SPATA16: variants seen among roughly 807,000 people sequenced by gnomAD.
SPATA16 encodes spermatogenesis-associated protein 16.
In SPATA16, 36 loss-of-function variants were observed where a neutral mutation model predicts 63.3. That is an observed-to-expected ratio of 0.57 (90% CI 0.44 to 0.75). The LOEUF is 0.75. SPATA16 is among the 30% of genes least tolerant of loss of function. The probability of loss-of-function intolerance (pLI) is 0.00; values close to 1 mark genes in which losing one functional copy is unlikely to be tolerated. For synonymous variants in SPATA16, 203 were observed against 216.7 expected (o/e 0.94, Z 0.56); for missense variants, 646 against 679.3 (o/e 0.95, Z 0.54).
At chr3:173,093,444 T>A (rs923079672) in intron 2 of SPATA16, among the ~76,000 whole-genome samples, 1 of 152,136 alleles carries the variant, frequency 6.6e-6, no homozygotes, top group Admixed American at 6.6e-5. Context: ...AACTATAGTC[T>A]TCTGGAAAGG....
intron 1 of SPATA16, among the ~76,000 whole-genome samples, chr3:173,118,535 T>G (rs1737970220): frequency 6.6e-6 from 1 of 152,236 alleles, no homozygotes; most frequent in Non-Finnish European, 1.5e-5. Flanking sequence ...TTTCAAAATA[T>G]CAAGTGTTCT....
At chr3:172,925,290 C>T in intron 7 of SPATA16, 56 bp downstream of exon 7, 12 of 1,603,204 alleles carry the variant, frequency 7.5e-6, no homozygotes, top group Non-Finnish European at 1.0e-5. Flanking sequence ...TTTTTTGGGG[C>T]CCAAAACTCA....
At chr3:173,010,320 G>A (rs1425651448) in intron 4 of SPATA16, among the ~76,000 whole-genome samples, 1 of 152,042 alleles carries the variant, frequency 6.6e-6, no homozygotes, top group Non-Finnish European at 1.5e-5. Flanking sequence ...TCAGAGAGGA[G>A]GCCAGGCTGC....
In SPATA16 at chr3:173,005,585, C is replaced by T. The variant is rs143624055; in HGVS notation, c.848+13901G>A. 1.8e-3 allele frequency among the ~76,000 whole-genome samples: 268 copies of T among 151,898 alleles called. 3 individuals are homozygous for T. Among genetic ancestry groups the T allele is most frequent in the African/African-American group, 5.9e-3 (245 of 41,416 alleles). ...GTGCACACAACCCAAGAATTTTGCA[C>T]GATAAATTATTTTAGAAATGTTTAG... On this transcript the variant is annotated intron_variant, in intron 4 of 10. Coordinates refer to ENST00000351008, the MANE Select transcript of SPATA16 (RefSeq NM_031955.6).
rs1405410762 is a variant in SPATA16 at position 173,117,556 on chromosome 3, G to T, written c.176C>A (p.Thr59Lys). Residue 59 changes from threonine to lysine, a missense_variant, in exon 2 of 11, where the codon ACA (threonine) becomes AAA (lysine). Physicochemically the swap from Thr to Lys is moderately conservative, Grantham distance 78. Coordinates refer to ENST00000351008, the MANE Select transcript of SPATA16 (RefSeq NM_031955.6). ...CTTTGTCATTTTTGTTCTTTCAAGT[G>T]TGATTTCTACCTGTTTACCTCCACA... ...KNCGGKQVEI[T>K]LERTKMTKGI... The T allele has an allele frequency of 6.2e-7, 1 of 1,613,986 alleles. No individual in the cohort carries two copies. The highest frequency in any genetic ancestry group is 1.1e-5 in the South Asian group (1 of 91,062).
chr3:172,907,485 C>T (rs1732268076), intron 10 of SPATA16, among the ~76,000 whole-genome samples: 1 of 152,116 alleles, frequency 6.6e-6, no homozygotes. Context: ...CTCACTTCAT[C>T]TCTTACTACT....
intron 4 of SPATA16, among the ~76,000 whole-genome samples, chr3:172,994,794 A>G (rs1406483723): frequency 6.6e-6 from 1 of 152,174 alleles, no homozygotes; most frequent in Non-Finnish European, 1.5e-5. Context: ...GTAAATATTC[A>G]TTTGTAGCAT....
At chr3:172,998,910 G>A (rs1734754404) in intron 4 of SPATA16, among the ~76,000 whole-genome samples, 1 of 152,026 alleles carries the variant, frequency 6.6e-6, no homozygotes, top group Non-Finnish European at 1.5e-5. Flanking sequence ...TGATAAAGGA[G>A]TATGATTCTT....
chr3:173,112,377 T>C (rs1481939510), intron 2 of SPATA16, among the ~76,000 whole-genome samples: 1 of 152,246 alleles, frequency 6.6e-6, no homozygotes, highest in African/African-American at 2.4e-5. Context: ...ATGCAGGTTC[T>C]GATTCTGCAG....
intron 4 of SPATA16, among the ~76,000 whole-genome samples, chr3:172,979,645 C>T (rs1222643883): frequency 6.6e-6 from 1 of 152,016 alleles, no homozygotes; most frequent in Non-Finnish European, 1.5e-5. Context: ...TAATGTTATG[C>T]CAAAGTTGCT....
At chr3:172,908,055 G>A (rs1336136060) in intron 10 of SPATA16, among the ~76,000 whole-genome samples, 1 of 152,146 alleles carries the variant, frequency 6.6e-6, no homozygotes, top group South Asian at 2.1e-4. Context: ...GCCTACTTCA[G>A]TAGAGTGCAG....
chr3:173,053,308 CAG>C (rs1223827448), intron 2 of SPATA16, among the ~76,000 whole-genome samples: 1 of 152,046 alleles, frequency 6.6e-6, no homozygotes, highest in African/African-American at 2.4e-5. Flanking sequence ...ACCCAGGAAG[CAG>C]AGTTTGCAGT....
At chr3:172,970,330 C>T (rs1002958413) in intron 5 of SPATA16, among the ~76,000 whole-genome samples, 4 of 152,116 alleles carry the variant, frequency 2.6e-5, no homozygotes, top group South Asian at 2.1e-4. Context: ...TTAGATCTTA[C>T]CTTTCCCTAT....
intron 1 of SPATA16, among the ~76,000 whole-genome samples, chr3:173,131,712 T>A (rs1738390720): frequency 6.6e-6 from 1 of 152,188 alleles, no homozygotes; most frequent in African/African-American, 2.4e-5. Flanking sequence ...CAGCACACTT[T>A]CAGCTGAAAC....
chr3:173,125,161 C>A (rs959850413), intron 1 of SPATA16, among the ~76,000 whole-genome samples: 6 of 152,194 alleles, frequency 3.9e-5, no homozygotes, highest in African/African-American at 1.4e-4. Context: ...CCACATCCCC[C>A]CAGTTGGCCA....
At chr3:172,915,392 C>T (rs1577087513) in intron 9 of SPATA16, among the ~76,000 whole-genome samples, 1 of 152,004 alleles carries the variant, frequency 6.6e-6, no homozygotes, top group South Asian at 2.1e-4. Flanking sequence ...TCTTAAAAAG[C>T]TCAAAGGGGG....
intron 3 of SPATA16, among the ~76,000 whole-genome samples, chr3:173,030,383 A>G (rs532748781): frequency 6.6e-6 from 1 of 152,190 alleles, no homozygotes; most frequent in South Asian, 2.1e-4. Context: ...AGTTAACAAC[A>G]ATTTAAAAGA....
At chr3:173,053,834 A>G (rs1404316994) in intron 2 of SPATA16, among the ~76,000 whole-genome samples, 2 of 152,100 alleles carry the variant, frequency 1.3e-5, no homozygotes, top group Non-Finnish European at 2.9e-5. Flanking sequence ...ATAATCATCA[A>G]TTGGTAATTT....
intron 10 of SPATA16, among the ~76,000 whole-genome samples, chr3:172,894,915 C>A (rs1731977849): frequency 1.3e-5 from 2 of 152,180 alleles, no homozygotes; most frequent in Admixed American, 6.5e-5. Context: ...ATGAGAAATA[C>A]ATTTCTGTTG....
Sources: gnomAD v4.1 joint callset for allele counts (sites outside exome capture counted in the v4.1 genomes callset) on GRCh38, gnomAD v4.1.1 for gene constraint, MANE v1.5 for transcripts, NCBI Gene and HGNC (gene_info 2026-07-23, HGNC 2026-07-21) for gene names.